LRIF1: variants seen among roughly 807,000 people sequenced by gnomAD.
The protein encoded by LRIF1 is ligand-dependent nuclear receptor-interacting factor 1.
A neutral mutation model predicts 52.7 loss-of-function variants in LRIF1; 32 were observed. The ratio of observed to expected loss-of-function variants is 0.61; its 90% CI spans 0.46 to 0.82. LRIF1 has a LOEUF of 0.82. Ranked by LOEUF, LRIF1 falls within the 40% of genes least tolerant of loss-of-function variation. The pLI is 0.00. For synonymous variants in LRIF1, 323 were observed against 317.4 expected, an observed-to-expected ratio of 1.02 and a Z score of -0.19; for missense variants, 887 against 892.0, an observed-to-expected ratio of 0.99 and a Z score of 0.07.
the LRIF1 span, among the ~76,000 whole-genome samples, chr1:110,889,371 A>T: frequency 6.6e-6 from 1 of 151,836 alleles, no homozygotes; most frequent in Non-Finnish European, 1.5e-5. Context: ...CCTGGCCAAC[A>T]TGGTGAAACC....
the LRIF1 span, among the ~76,000 whole-genome samples, chr1:110,912,691 A>G: frequency 6.6e-6 from 1 of 152,228 alleles, no homozygotes; most frequent in African/African-American, 2.4e-5. Flanking sequence ...CACACAAACC[A>G]ATGCAAAAAA....
the LRIF1 span, among the ~76,000 whole-genome samples, chr1:110,932,581 C>A: frequency 3.3e-5 from 5 of 152,090 alleles, no homozygotes; most frequent in African/African-American, 9.7e-5. Context: ...GGCAATACGG[C>A]CATTTTTACG....
In LRIF1 at chr1:110,948,054, T is replaced by C; in HGVS notation, c.2215A>G (p.Thr739Ala). Residue 739 changes from threonine to alanine, a missense_variant, in exon 4 of 4, where the codon ACC (threonine) becomes GCC (alanine). By Grantham distance (58) the Thr-to-Ala change is moderately conservative (BLOSUM62 0). Coordinates refer to ENST00000369763, the MANE Select transcript of LRIF1 (RefSeq NM_018372.4). ...CTTCTTATTTTTTCATCTCGAATGGTTTCTTCTAACTCCGGTGGTGTCACT... is the reference window on the plus strand; with the variant it reads ...CTTCTTATTTTTTCATCTCGAATGGCTTCTTCTAACTCCGGTGGTGTCACT... Reference protein sequence around the residue: ...FPVTPPELEETIRDEKIRRLK... With the variant: ...FPVTPPELEEAIRDEKIRRLK... 1.2e-6 allele frequency: 2 copies of C among 1,613,934 alleles called. No individual in the cohort carries two copies. Among genetic ancestry groups the C allele is most frequent in the Non-Finnish European group, 1.7e-6 (2 of 1,179,964 alleles).
At chr1:110,949,247 T>C (rs1333048772) in intron 3 of LRIF1, among the ~76,000 whole-genome samples, 1 of 151,322 alleles carries the variant, frequency 6.6e-6, no homozygotes, top group Non-Finnish European at 1.5e-5. Flanking sequence ...GCTTCCCAAG[T>C]AGTTGGGACT....
rs183811083 is a variant in LRIF1 at position 110,958,420 on chromosome 1, G to A, written c.68+5201C>T. Among the ~76,000 whole-genome samples the A allele has an allele frequency of 2.6e-4, 40 of 151,188 alleles. 1 individual carries two copies. Among genetic ancestry groups the A allele is most frequent in the South Asian group, 1.0e-3 (5 of 4,768 alleles). ...CTATTAATGTTGGAAATTATATAAT[G>A]CTTTCTTTATTGACTTTAATCTATT... is the stretch of plus-strand genomic sequence containing the variant. On this transcript the variant is annotated intron_variant, in intron 1 of 3. Transcript: ENST00000369763.
At chr1:110,915,126 C>G in the LRIF1 span, among the ~76,000 whole-genome samples, 2 of 152,074 alleles carry the variant, frequency 1.3e-5, no homozygotes, top group Non-Finnish European at 2.9e-5. Flanking sequence ...TAAAAATAAG[C>G]TACAAATATT....
Position 110,951,365 on chromosome 1 carries a change from T to C in LRIF1, c.1519A>G (p.Ile507Val), listed in dbSNP as rs1227210895. Residue 507 changes from isoleucine to valine, a missense_variant, in exon 2 of 4, where the codon ATA becomes GTA. Coordinates refer to ENST00000369763, the MANE Select transcript of LRIF1 (RefSeq NM_018372.4). ...YARKGSVLQS[I>V]EKISSSVDAT... ...TCAACAGAGGAACTTATTTTCTCTA[T>C]GCTCTGGAGGACACTTCCTTTTCTA... The C allele has an allele frequency of 3.1e-6, 5 of 1,614,056 alleles. No homozygotes were observed. The highest frequency in any genetic ancestry group is 2.2e-5 in the South Asian group (2 of 91,090).
the LRIF1 span, among the ~76,000 whole-genome samples, chr1:110,893,851 G>C: frequency 6.6e-6 from 1 of 152,214 alleles, no homozygotes; most frequent in African/African-American, 2.4e-5. Context: ...AGCATCGAAA[G>C]CTGGAAACAA....
Position 110,962,061 on chromosome 1 carries a change from T to TACACACACACACACACAC in LRIF1, c.68+1542_68+1559dup, listed in dbSNP as rs59351644. Reference sequence around the variant, plus strand: ...AGAAACTGGATAACAGAGTTAAGGGTACACACACACACACACACACACACA... The same window carrying TACACACACACACACACAC: ...AGAAACTGGATAACAGAGTTAAGGGTACACACACACACACACACACACACACACACACACACACACACA... On this transcript the variant is annotated intron_variant, in intron 1 of 3. Transcript: ENST00000369763. Among the ~76,000 whole-genome samples the TACACACACACACACACAC allele has an allele frequency of 2.8e-5, 4 of 143,790 alleles. No homozygotes were observed. The East Asian group carries it at 6.1e-4, about 22-fold the overall frequency. 94.3% of individuals were successfully genotyped at this position (143,790 alleles called of 152,430 possible).
intron 1 of LRIF1, among the ~76,000 whole-genome samples, chr1:110,954,940 C>T (rs568983057): frequency 8.5e-5 from 13 of 152,302 alleles, no homozygotes; most frequent in African/African-American, 2.9e-4. Flanking sequence ...CTATTCTGTA[C>T]TCTTTTGTTA....
the LRIF1 span, among the ~76,000 whole-genome samples, chr1:110,885,278 C>T: frequency 4.6e-5 from 7 of 152,168 alleles, no homozygotes; most frequent in African/African-American, 1.2e-4. Context: ...TGGGCAGGCG[C>T]GGTGGCTCAC....
chr1:110,904,268 G>A, the LRIF1 span, among the ~76,000 whole-genome samples: 2 of 152,214 alleles, frequency 1.3e-5, no homozygotes, highest in Non-Finnish European at 2.9e-5. Context: ...GAGCCCCAGG[G>A]CATTAAGTGA....
chr1:110,931,239 G>A, the LRIF1 span, among the ~76,000 whole-genome samples: 14 of 152,016 alleles, frequency 9.2e-5, no homozygotes, highest in Non-Finnish European at 2.1e-4. Flanking sequence ...GCGGTGTTTG[G>A]TTTTCTCTCC....
At chr1:110,928,457 C>G in the LRIF1 span, among the ~76,000 whole-genome samples, 1 of 152,166 alleles carries the variant, frequency 6.6e-6, no homozygotes, top group Non-Finnish European at 1.5e-5. Context: ...TTTATGCCTT[C>G]TGCATTTATG....
chr1:110,952,398 A>C lies in LRIF1; in HGVS notation c.486T>G (p.Phe162Leu), dbSNP rs74411916. ...GAAGACTCTGGGTATTAACTACAAT[A>C]AAAGATGAGTCTTTTTGTGTTGAGG... ...VPPSTQKDSS[F>L]IVVNTQSLPV... The change falls in exon 2 of 4, where the codon TTT (phenylalanine) becomes TTG (leucine). Residue 162 changes from phenylalanine to leucine, a missense_variant. Phe to Leu is a conservative substitution (Grantham distance 22, BLOSUM62 0). Coordinates refer to ENST00000369763, the MANE Select transcript of LRIF1 (RefSeq NM_018372.4). The C allele has an allele frequency of 6.2e-7, 1 of 1,613,628 alleles. No homozygotes were observed. The highest frequency in any genetic ancestry group is 8.5e-7 in the Non-Finnish European group (1 of 1,179,530).
chr1:110,953,731 G>A (rs568414779), intron 1 of LRIF1, among the ~76,000 whole-genome samples: 1 of 152,160 alleles, frequency 6.6e-6, no homozygotes, highest in Admixed American at 6.5e-5. Context: ...CAGCTCCTGG[G>A]AAATATTGAG....
At position 110,951,535 on chromosome 1, in the gene LRIF1, G is replaced by A. The variant is rs1225989623; in HGVS notation, c.1349C>T (p.Pro450Leu). ...ATGTGGATTTGTGGTAGAAGGAGAT[G>A]GTTTCTCCACTTTATTCTTCTCTGC... ...LRAEKNKVEK[P>L]SPSTTNPHMN... The change falls in exon 2 of 4, where the codon CCA (proline) becomes CTA (leucine). Residue 450 changes from proline to leucine, a missense_variant. By Grantham distance (98) the Pro-to-Leu change is moderately conservative. Coordinates refer to ENST00000369763, the MANE Select transcript of LRIF1 (RefSeq NM_018372.4). 6.2e-7 allele frequency: 1 copy of A among 1,614,092 alleles called. No individual in the cohort carries two copies. Among genetic ancestry groups the A allele is most frequent in the Non-Finnish European group, 8.5e-7 (1 of 1,180,000 alleles).
chr1:110,919,530 ATATC>A, the LRIF1 span, among the ~76,000 whole-genome samples: 2 of 152,098 alleles, frequency 1.3e-5, no homozygotes, highest in Non-Finnish European at 2.9e-5. Context: ...ACTCCCCTTT[ATATC>A]TATCTATCTA....
At chr1:110,962,875 A>C (rs1326130786) in intron 1 of LRIF1, among the ~76,000 whole-genome samples, 5 of 152,152 alleles carry the variant, frequency 3.3e-5, no homozygotes, top group Non-Finnish European at 5.9e-5. Flanking sequence ...ATTCTGCTTT[A>C]GCTAACATTG....
Sources: allele counts gnomAD v4.1 joint callset (sites outside exome capture counted in the v4.1 genomes callset), GRCh38; gene constraint gnomAD v4.1.1; transcripts MANE v1.5; gene names NCBI Gene and HGNC (gene_info 2026-07-23, HGNC 2026-07-21).